ANKRD28: variants seen among roughly 807,000 people sequenced by gnomAD.
ANKRD28 encodes ankyrin repeat domain 28.
In ANKRD28, 44 loss-of-function variants were observed where a neutral mutation model predicts 126.5. The ratio of observed to expected loss-of-function variants is 0.35; its 90% confidence interval spans 0.27 to 0.45. The LOEUF is 0.45. ANKRD28 is among the 20% of genes least tolerant of loss of function. ANKRD28 has a pLI of 1.00. For synonymous variants in ANKRD28, 442 were observed against 468.5 expected, an observed-to-expected ratio of 0.94 and a Z score of 0.73; for missense variants, 1,110 against 1,316.6, an observed-to-expected ratio of 0.84 and a Z score of 2.43.
At chr3:15,799,980 T>C, upstream of ANKRD28, among the ~76,000 whole-genome samples, 1 of 152,078 alleles carries the variant, frequency 6.6e-6, no homozygotes, top group Non-Finnish European at 1.5e-5. Flanking sequence ...AAAATATAGG[T>C]GGCATTAAGG....
chr3:15,749,407 C>T (rs1001895818), intron 4 of ANKRD28, among the ~76,000 whole-genome samples: 8 of 152,120 alleles, frequency 5.3e-5, no homozygotes, highest in Admixed American at 1.3e-4. Context: ...CCACCGCGCC[C>T]GGCCTATGTT....
intron 8 of ANKRD28, among the ~76,000 whole-genome samples, chr3:15,715,336 A>C (rs2072876047): frequency 6.6e-6 from 1 of 152,232 alleles, no homozygotes; most frequent in Non-Finnish European, 1.5e-5. Flanking sequence ...TCACAGCAAC[A>C]TTCAGCATGC....
chr3:15,810,387 A>C (rs2060687324), intron 1 of ANKRD28, among the ~76,000 whole-genome samples: 3 of 152,196 alleles, frequency 2.0e-5, no homozygotes, highest in African/African-American at 7.2e-5. Flanking sequence ...GAGGCCTATA[A>C]AAATTTACAT....
chr3:15,763,828 TTTA>T, intron 3 of ANKRD28, among the ~76,000 whole-genome samples: 1 of 152,296 alleles, frequency 6.6e-6, no homozygotes, highest in Non-Finnish European at 1.5e-5. Flanking sequence ...TTAATTTTTT[TTTA>T]TTGAGAACTG....
At chr3:15,813,692 G>A (rs1028290016) in intron 1 of ANKRD28, among the ~76,000 whole-genome samples, 4 of 152,142 alleles carry the variant, frequency 2.6e-5, no homozygotes, top group Non-Finnish European at 5.9e-5. Context: ...CTTCACTAGT[G>A]CCTGCAGTCC....
At chr3:15,713,442 T>C in intron 10 of ANKRD28, 85 bp downstream of exon 10, 1 of 1,024,118 alleles carries the variant, frequency 9.8e-7, no homozygotes, top group Admixed American at 2.4e-5. Context: ...AAATCCACAT[T>C]TCCACGTGAA....
chr3:15,859,496 T>A (rs2061858777), exon 1 of ANKRD28: 1 of 1,237,372 alleles, frequency 8.1e-7, no homozygotes, highest in Non-Finnish European at 1.1e-6. Context: ...CCAGTAGCCT[T>A]GGCCGCTGCC....
In ANKRD28 at chr3:15,684,912, C is replaced by A. The variant is rs1032403412; in HGVS notation, c.2389+314G>T. The A allele has an allele frequency of 4.2e-5, 11 of 262,428 alleles. No homozygotes were observed. The South Asian group carries it at 5.0e-4, about 12-fold the overall frequency. 16.3% of individuals were successfully genotyped at this position (262,428 alleles called of 1,614,324 possible). On this transcript the variant is annotated intron_variant, in intron 21 of 27. Transcript: ENST00000683139. ...GCTGAGGTGGGAGGATCACTTGATG[C>A]CAGGAGTTCAAGACCAGCCTGGGCA...
At chr3:15,700,042 A>G (rs1391844075) in intron 14 of ANKRD28, among the ~76,000 whole-genome samples, 6 of 152,242 alleles carry the variant, frequency 3.9e-5, no homozygotes, top group Non-Finnish European at 8.8e-5. Flanking sequence ...ACACCATGGA[A>G]TACTATGCCA....
At chr3:15,805,281 T>C (rs2060554072) in intron 1 of ANKRD28, among the ~76,000 whole-genome samples, 2 of 152,204 alleles carry the variant, frequency 1.3e-5, no homozygotes, top group Non-Finnish European at 2.9e-5. Context: ...AGCAAGTATG[T>C]AGTACTGCAT....
intron 3 of ANKRD28, among the ~76,000 whole-genome samples, chr3:15,765,140 C>A (rs2058679920): frequency 6.6e-6 from 1 of 152,116 alleles, no homozygotes; most frequent in South Asian, 2.1e-4. Context: ...ATATCCTTTC[C>A]CAATAAATAT....
In ANKRD28 at chr3:15,814,614, A is replaced by G. The variant is rs2060794616; in HGVS notation, c.28-19308T>C. 6.6e-6 allele frequency among the ~76,000 whole-genome samples: 1 copy of G among 151,934 alleles called. No individual in the cohort carries two copies. The highest frequency in any genetic ancestry group is 2.1e-4 in the South Asian group (1 of 4,822). On this transcript the variant is annotated intron_variant, in intron 1 of 27. Coordinates refer to the ANKRD28 transcript ENST00000399451. The surrounding 1 kb of genome is among the most constrained non-coding windows in gnomAD (Gnocchi z 4.7). The stretch of plus-strand genomic sequence containing the variant: ...ATTCCTAGCAACAAGTCATTCTCAT[A>G]AATCTTAAACACAAACACACACACA...
At chr3:15,750,791 T>C (rs2057809421) in intron 4 of ANKRD28, among the ~76,000 whole-genome samples, 1 of 152,276 alleles carries the variant, frequency 6.6e-6, no homozygotes, top group Admixed American at 6.5e-5. Flanking sequence ...AACTACATAG[T>C]CCCATGATGG....
chr3:15,735,483 G>C lies in ANKRD28; in HGVS notation c.567C>G (p.Leu189=), dbSNP rs1266612078. 3 of 1,554,690 alleles carry C rather than the reference G, an allele frequency of 1.9e-6. No homozygotes were observed. The highest frequency in any genetic ancestry group is 1.2e-5 in the South Asian group (1 of 84,174). ...FSGHGEMVKL[L]LSRGANINAF... ...CATTAATATTGGCACCTCTAGACAA[G>C]AGTAGTTTGACCATCTGGAATAGAA... The change falls in exon 6 of 28, where the codon CTC becomes CTG. Residue 189 remains leucine (L), a synonymous_variant. Coordinates refer to ENST00000683139, the MANE Select transcript of ANKRD28 (RefSeq NM_001349278.2).
chr3:15,838,103 A>G lies in ANKRD28; in HGVS notation c.27+21274T>C, dbSNP rs2125958877. ...ATACAGAAAATATGAATAGAACTCTATCAACTAAAGAAATTAGTAATTAAA... is the reference window on the plus strand; with the variant it reads ...ATACAGAAAATATGAATAGAACTCTGTCAACTAAAGAAATTAGTAATTAAA... On this transcript the variant is annotated intron_variant, in intron 1 of 27. Transcript: ENST00000399451. This position sits in a 1 kb window ranked among gnomAD's most constrained non-coding sequence, Gnocchi z 4.0. 6.6e-6 allele frequency among the ~76,000 whole-genome samples: 1 copy of G among 152,320 alleles called. No homozygotes were observed. Among genetic ancestry groups the G allele is most frequent in the Admixed American group, 6.5e-5 (1 of 15,306 alleles).
intron 1 of ANKRD28, among the ~76,000 whole-genome samples, chr3:15,848,527 T>G (rs1347570914): frequency 6.6e-6 from 1 of 151,882 alleles, no homozygotes; most frequent in Non-Finnish European, 1.5e-5. Context: ...ATTAAAAAAT[T>G]AGCCAGGCAT....
rs1010640112 is a variant in ANKRD28, at chr3:15,853,721, G to A, written c.27+5656C>T. 2.6e-5 allele frequency among the ~76,000 whole-genome samples: 4 copies of A among 151,940 alleles called. No homozygotes were observed. Among genetic ancestry groups the A allele is most frequent in the Admixed American group, 6.6e-5 (1 of 15,256 alleles). On this transcript the variant is annotated intron_variant, in intron 1 of 27. Coordinates refer to the ANKRD28 transcript ENST00000399451. This position sits in a 1 kb window ranked among gnomAD's most constrained non-coding sequence, Gnocchi z 4.2. ...CCTGACCTCATGATCCGCCCGCCTC[G>A]GTCTCCCAAAGTGCTGGGATTACAG...
intron 3 of ANKRD28, among the ~76,000 whole-genome samples, chr3:15,763,237 C>T (rs1159425192): frequency 6.6e-6 from 1 of 152,206 alleles, no homozygotes; most frequent in Non-Finnish European, 1.5e-5. Flanking sequence ...ACAAATCATT[C>T]GCCTTCTTTC....
chr3:15,745,457 T>C (rs2057412066), intron 4 of ANKRD28, among the ~76,000 whole-genome samples: 1 of 152,220 alleles, frequency 6.6e-6, no homozygotes, highest in African/African-American at 2.4e-5. Context: ...CCAGCCTCAT[T>C]TGTTGAACAG....
Sources: allele counts gnomAD v4.1 joint callset (sites outside exome capture counted in the v4.1 genomes callset), GRCh38; gene constraint gnomAD v4.1.1; non-coding constraint Gnocchi (gnomAD v3.1); transcripts MANE v1.5; gene names NCBI Gene and HGNC (gene_info 2026-07-23, HGNC 2026-07-21).